The following KLHDC4 variants were observed in gnomAD, a reference collection of about 807,000 sequenced individuals.
KLHDC4 encodes the protein kelch domain containing 4, also known as kelch domain-containing protein 4.
Under a neutral mutation model 62.4 loss-of-function variants are expected in KLHDC4, and 90 were observed. The ratio of observed to expected loss-of-function variants is 1.44; its 90% CI spans 1.22 to 1.72. KLHDC4 has a LOEUF of 1.72. KLHDC4 is among the 40% of genes most tolerant of loss of function. KLHDC4 has a pLI of 0.00. For missense variants in KLHDC4, 1,025 were observed against 699.7 expected, an observed-to-expected ratio of 1.47 and a Z score of -5.25; for synonymous variants, 386 against 284.4, an observed-to-expected ratio of 1.36 and a Z score of -3.59.
rs142401383 is a variant in KLHDC4 at position 87,765,858 on chromosome 16, G to T, written c.33C>A (p.Gly11=). The T allele has an allele frequency of 6.4e-7, 1 of 1,553,326 alleles. No homozygotes were observed. The highest frequency in any genetic ancestry group is 8.7e-7 in the Non-Finnish European group (1 of 1,147,776). The part of the protein sequence containing the change: MGKKGKKEKK[G]RGAEKTAAKM... Reference sequence around the variant, plus strand: ...TGGCGGCCGTCTTCTCCGCGCCGCGGCCCTTCTTCTCCTTCTTGCCCTTCT... The same window carrying T: ...TGGCGGCCGTCTTCTCCGCGCCGCGTCCCTTCTTCTCCTTCTTGCCCTTCT... The change falls in exon 1 of 12, where the codon GGC becomes GGA. Residue 11 remains glycine (G), a synonymous_variant. Transcript: ENST00000270583.
Position 87,700,946 on chromosome 16 carries a change from G to A in KLHDC4, c.*693C>T, listed in dbSNP as rs115444322. The A allele has an allele frequency of 5.1e-3, 1,237 of 242,292 alleles. 21 individuals carry two copies. Among genetic ancestry groups the A allele is most frequent in the African/African-American group, 0.028 (1,175 of 42,036 alleles). 15.0% of individuals were successfully genotyped at this position (242,292 alleles called of 1,614,324 possible). The stretch of plus-strand genomic sequence containing the variant: ...CAGGCACCTGGTTGGCTTCTCTCGC[G>A]CCCAGGCCGCGTGTCAGGTGAGGCA... On this transcript the variant is annotated 3_prime_UTR_variant, in exon 1 of 1. Coordinates refer to the KLHDC4 transcript ENST00000446344.
chr16:87,741,329 G>C (rs1336081937), intron 5 of KLHDC4, among the ~76,000 whole-genome samples: 1 of 152,228 alleles, frequency 6.6e-6, no homozygotes, highest in African/African-American at 2.4e-5. Flanking sequence ...TCCATGGCCT[G>C]TTAGGAATCA....
intron 7 of KLHDC4, among the ~76,000 whole-genome samples, chr16:87,722,918 G>A (rs2038678827): frequency 6.6e-6 from 1 of 152,230 alleles, no homozygotes; most frequent in Non-Finnish European, 1.5e-5. Context: ...GTGGGTGGCG[G>A]GTGGCAGGAC....
Position 87,709,103 on chromosome 16 carries a change from G to T in KLHDC4, c.1447+162C>A, listed in dbSNP as rs991312169. Among the ~76,000 whole-genome samples, 9 of 152,388 alleles carry T rather than the reference G, an allele frequency of 5.9e-5. No individual in the cohort carries two copies. The East Asian group carries it at 1.7e-3, about 29-fold the overall frequency. On this transcript the variant is annotated intron_variant, in intron 10 of 11. Transcript: ENST00000270583. Reference sequence around the variant, plus strand: ...GGGTGGGCCCCCCTTTCCACAACAGGGTCCTGTTCTCCGTCAATCTGACCG... The same window carrying T: ...GGGTGGGCCCCCCTTTCCACAACAGTGTCCTGTTCTCCGTCAATCTGACCG...
intron 4 of KLHDC4, 98 bp from the exon 5 acceptor site, chr16:87,748,907 G>A: frequency 7.2e-7 from 1 of 1,383,030 alleles, no homozygotes. Context: ...TACTATCTCG[G>A]ATGCCCTGCA....
chr16:87,755,696 C>T (rs1372375720), intron 3 of KLHDC4: 3 of 187,328 alleles, frequency 1.6e-5, no homozygotes, highest in Non-Finnish European at 3.4e-5. Context: ...CTCCAAGTAG[C>T]TAGGACTACA....
chr16:87,709,830 T>A, intron 9 of KLHDC4, 163 bp from the exon 10 acceptor site: 1 of 793,836 alleles, frequency 1.3e-6, no homozygotes. Context: ...GTGCAGGCAC[T>A]GGGCTGCAGG....
At chr16:87,760,307 TAA>T (rs542214108) in intron 2 of KLHDC4, among the ~76,000 whole-genome samples, 2 of 142,854 alleles carry the variant, frequency 1.4e-5, no homozygotes, top group Non-Finnish European at 3.0e-5. Flanking sequence ...CTGGACAACA[TAA>T]AAAAAAGTCT....
At chr16:87,709,688 C>G (rs758273537) in intron 9 of KLHDC4, 21 bp from the exon 10 acceptor site, 1 of 1,552,004 alleles carries the variant, frequency 6.4e-7, no homozygotes, top group South Asian at 1.2e-5. Context: ...ACCGAGGAAG[C>G]AGAGAGCAGC....
At chr16:87,701,149 G>T (rs994128140) in exon 1 of KLHDC4, 32 of 182,936 alleles carry the variant, frequency 1.7e-4, no homozygotes, top group Non-Finnish European at 2.8e-4. Flanking sequence ...CGCGTGGGGG[G>T]TGGGTGCTGG....
chr16:87,707,716 G>T (rs2034922303), downstream of KLHDC4: 1 of 256,804 alleles, frequency 3.9e-6, no homozygotes, highest in Admixed American at 5.0e-5. Flanking sequence ...TCCAGTGTGG[G>T]GTGGTCTCGC....
chr16:87,717,868 G>A (rs1397501150), intron 7 of KLHDC4, among the ~76,000 whole-genome samples: 1 of 152,190 alleles, frequency 6.6e-6, no homozygotes, highest in Non-Finnish European at 1.5e-5. Context: ...TTGTTTTGCT[G>A]ACAGCAACAT....
chr16:87,717,983 G>T (rs2037340399), intron 7 of KLHDC4, among the ~76,000 whole-genome samples: 1 of 152,126 alleles, frequency 6.6e-6, no homozygotes, highest in Non-Finnish European at 1.5e-5. Context: ...ACTTCACAAG[G>T]CCTGATCTGC....
intron 5 of KLHDC4, among the ~76,000 whole-genome samples, chr16:87,746,066 C>T (rs2042989860): frequency 6.6e-6 from 1 of 151,868 alleles, no homozygotes; most frequent in African/African-American, 2.4e-5. Flanking sequence ...GAGTTCAAGA[C>T]CAACCTGGGC....
At chr16:87,725,357 G>A (rs923777329) in intron 7 of KLHDC4, among the ~76,000 whole-genome samples, 4 of 152,164 alleles carry the variant, frequency 2.6e-5, no homozygotes, top group Non-Finnish European at 5.9e-5. Context: ...AGTAGAGACG[G>A]GGTTTCACAG....
chr16:87,728,888 T>G (rs1464827931), intron 6 of KLHDC4, among the ~76,000 whole-genome samples: 1 of 152,134 alleles, frequency 6.6e-6, no homozygotes, highest in African/African-American at 2.4e-5. Flanking sequence ...GATTCTCTTG[T>G]ATCAGCCTCC....
exon 1 of KLHDC4, chr16:87,702,076 T>C (rs774612225): frequency 6.6e-6 from 3 of 454,952 alleles, no homozygotes; most frequent in South Asian, 4.7e-5. Flanking sequence ...TGAGAACTTG[T>C]GACCCCCGAG....
chr16:87,709,710 G>A, intron 9 of KLHDC4, 43 bp from the exon 10 acceptor site: 1 of 1,514,476 alleles, frequency 6.6e-7, no homozygotes, highest in East Asian at 2.4e-5. Flanking sequence ...GCTTCAGCGA[G>A]GCAGGGGTCA....
At chr16:87,707,405 C>G (rs879927314), downstream of KLHDC4, among the ~76,000 whole-genome samples, 1 of 152,224 alleles carries the variant, frequency 6.6e-6, no homozygotes, top group Non-Finnish European at 1.5e-5. Flanking sequence ...CCAGAGACCA[C>G]GCGGCGGCAG....
Sources: allele counts gnomAD v4.1 joint callset (sites outside exome capture counted in the v4.1 genomes callset), GRCh38; gene constraint gnomAD v4.1.1; transcripts MANE v1.5; gene names NCBI Gene and HGNC (gene_info 2026-07-23, HGNC 2026-07-21).